Variants in PTPN12 observed in about 807,000 individuals in gnomAD.
The protein encoded by PTPN12 is protein tyrosine phosphatase non-receptor type 12.
PTPN12 carries 29 observed loss-of-function variants against 97.6 expected under a neutral mutation model. The observed-to-expected ratio is 0.30, with a 90% CI of 0.22 to 0.41. PTPN12 has a LOEUF of 0.41. PTPN12 is among the 10% of genes least tolerant of loss of function. The pLI is 1.00. For synonymous variants in PTPN12, 327 were observed against 300.4 expected, an observed-to-expected ratio of 1.09 and a Z score of -0.91; for missense variants, 819 against 926.0, an observed-to-expected ratio of 0.88 and a Z score of 1.50.
chr7:77,600,588 G>T lies in PTPN12; in HGVS notation c.553-76G>T, dbSNP rs536923748. 19 of 1,226,364 alleles carry T rather than the reference G, an allele frequency of 1.5e-5. No homozygotes were observed. The South Asian group carries it at 1.7e-4, about 11-fold the overall frequency. 76.0% of individuals were successfully genotyped at this position (1,226,364 alleles called of 1,614,324 possible). ...ATGCCACACAAATTTCTTAGAAATG[G>T]CAGTTTAAATGAGCTGTGCAACTTT... On this transcript the variant is annotated intron_variant, in intron 7 of 17. Transcript: ENST00000248594.
chr7:77,632,503 T>G (rs12666778), intron 14 of PTPN12, 78 bp downstream of exon 14: 225,518 of 1,056,070 alleles, frequency 0.21, 33,463 homozygotes, highest in East Asian at 0.71. Context: ...TTTTAATCTA[T>G]TAGCTATTGT....
At chr7:77,584,637 G>A (rs930375443) in intron 4 of PTPN12, among the ~76,000 whole-genome samples, 75 of 152,132 alleles carry the variant, frequency 4.9e-4, no homozygotes, top group African/African-American at 1.7e-3. Context: ...CAGCACTTTG[G>A]GAGGCCGAGG....
At chr7:77,617,796 A>G (rs539020638) in intron 11 of PTPN12, among the ~76,000 whole-genome samples, 3 of 152,136 alleles carry the variant, frequency 2.0e-5, no homozygotes, top group African/African-American at 7.2e-5. Flanking sequence ...TCCTAAACCT[A>G]AGGTTCTTAT....
intron 8 of PTPN12, among the ~76,000 whole-genome samples, chr7:77,605,525 T>G (rs1747103959): frequency 6.7e-6 from 1 of 150,246 alleles, no homozygotes; most frequent in Non-Finnish European, 1.5e-5. Flanking sequence ...GTTCAAGTGA[T>G]TCTCCTGCCT....
chr7:77,569,445 G>A (rs1163803395), intron 1 of PTPN12, among the ~76,000 whole-genome samples: 2 of 152,088 alleles, frequency 1.3e-5, no homozygotes, highest in East Asian at 3.8e-4. Flanking sequence ...GTATTAAGAG[G>A]TTTCTTTGAT....
At chr7:77,598,614 C>G (rs1308912489) in intron 7 of PTPN12, among the ~76,000 whole-genome samples, 1 of 151,330 alleles carries the variant, frequency 6.6e-6, no homozygotes, top group African/African-American at 2.4e-5. Context: ...GCCTGGGAGA[C>G]AGAGGTTGCA....
chr7:77,547,216 T>C (rs2151297544), intron 1 of PTPN12, among the ~76,000 whole-genome samples: 1 of 152,300 alleles, frequency 6.6e-6, no homozygotes, highest in East Asian at 1.9e-4. Flanking sequence ...TGGAGATACC[T>C]GAGTGCCCAC....
At chr7:77,561,784 TTTTA>T (rs1485824745) in intron 1 of PTPN12, among the ~76,000 whole-genome samples, 11 of 139,812 alleles carry the variant, frequency 7.9e-5, no homozygotes, top group South Asian at 2.3e-4. Flanking sequence ...AATTAATTAA[TTTTA>T]TTTATTTATT....
At chr7:77,565,378 C>T (rs1271021279) in intron 1 of PTPN12, among the ~76,000 whole-genome samples, 1 of 152,156 alleles carries the variant, frequency 6.6e-6, no homozygotes, top group African/African-American at 2.4e-5. Context: ...ACAAGATTTG[C>T]TGATGGGGAG....
chr7:77,549,549 A>G (rs1367431912), intron 1 of PTPN12, among the ~76,000 whole-genome samples: 2 of 151,608 alleles, frequency 1.3e-5, no homozygotes, highest in African/African-American at 2.4e-5. Flanking sequence ...TTGCAAGGAA[A>G]TCCTGTTTTA....
intron 11 of PTPN12, among the ~76,000 whole-genome samples, chr7:77,614,852 C>G (rs1479859362): frequency 3.3e-5 from 5 of 152,194 alleles, no homozygotes; most frequent in African/African-American, 1.2e-4. Context: ...TACTACTTTT[C>G]TGACAATTTA....
intron 8 of PTPN12, among the ~76,000 whole-genome samples, chr7:77,602,488 A>G (rs117174638): frequency 0.018 from 2,783 of 152,164 alleles, 34 homozygotes; most frequent in Middle Eastern, 0.071. Context: ...AAGTGTCATG[A>G]CCGGGTATAG....
At chr7:77,590,431 G>GT (rs1335256457) in intron 5 of PTPN12, among the ~76,000 whole-genome samples, 5 of 152,114 alleles carry the variant, frequency 3.3e-5, no homozygotes, top group South Asian at 4.1e-4. Flanking sequence ...AGGTCCAAGT[G>GT]TAAGTATAGT....
intron 8 of PTPN12, chr7:77,605,058 C>A (rs12540397): frequency 0.019 from 3,008 of 160,072 alleles, 38 homozygotes; most frequent in Middle Eastern, 0.072. Context: ...ATAATTTATC[C>A]CAGTAACTCA....
intron 11 of PTPN12, among the ~76,000 whole-genome samples, chr7:77,612,680 C>T (rs1012831231): frequency 6.6e-6 from 1 of 152,232 alleles, no homozygotes; most frequent in South Asian, 2.1e-4. Flanking sequence ...TCAGGTGATC[C>T]GCCTGCCTCA....
At chr7:77,603,662 A>C (rs2151364682) in intron 8 of PTPN12, among the ~76,000 whole-genome samples, 1 of 152,216 alleles carries the variant, frequency 6.6e-6, no homozygotes, top group South Asian at 2.1e-4. Flanking sequence ...TTATTGTTAA[A>C]TCTTTGAGCA....
intron 2 of PTPN12, among the ~76,000 whole-genome samples, chr7:77,578,049 T>C (rs1787394790): frequency 6.6e-6 from 1 of 152,212 alleles, no homozygotes; most frequent in Non-Finnish European, 1.5e-5. Flanking sequence ...CCAGCCTGCA[T>C]GTAGCCAGCC....
intron 13 of PTPN12, among the ~76,000 whole-genome samples, chr7:77,630,455 C>A (rs1365157540): frequency 6.6e-6 from 1 of 152,166 alleles, no homozygotes; most frequent in African/African-American, 2.4e-5. Flanking sequence ...TACTACACAT[C>A]TGGGCCATAC....
In PTPN12 at chr7:77,610,946, A is replaced by G. The variant is rs773388710; in HGVS notation, c.841-2A>G. On this transcript the variant is annotated splice_acceptor_variant, in intron 10 of 17. Transcript: ENST00000248594. LOFTEE classifies it high-confidence loss of function. ...TTTTTTAATCATTTTTCTCCTTCAT[A>G]GGAGCAATATGAACTTGTTCATAGA... 1.2e-6 allele frequency: 2 copies of G among 1,602,312 alleles called. No homozygotes were observed. Among genetic ancestry groups the G allele is most frequent in the Admixed American group, 1.7e-5 (1 of 57,390 alleles).
Sources: gnomAD v4.1 joint callset for allele counts (sites outside exome capture counted in the v4.1 genomes callset) on GRCh38, gnomAD v4.1.1 for gene constraint, MANE v1.5 for transcripts, NCBI Gene and HGNC (gene_info 2026-07-23, HGNC 2026-07-21) for gene names.